VPS39: variants seen among roughly 807,000 people sequenced by gnomAD.
VPS39 encodes VPS39 subunit of HOPS complex, also known as vam6/Vps39-like protein.
In VPS39, 70 loss-of-function variants were observed where a neutral mutation model predicts 121.0. The ratio of observed to expected loss-of-function variants is 0.58; its 90% CI spans 0.48 to 0.71. The LOEUF is 0.71. Ranked by LOEUF, VPS39 falls within the 30% of genes least tolerant of loss-of-function variation. The pLI is 0.00. For missense variants in VPS39, 818 were observed against 1,051.5 expected, an observed-to-expected ratio of 0.78 and a Z score of 3.07; for synonymous variants, 378 against 398.1, an observed-to-expected ratio of 0.95 and a Z score of 0.60.
intron 19 of VPS39, 36 bp downstream of exon 19, chr15:42,164,322 G>A (rs774220406): frequency 1.2e-5 from 20 of 1,612,790 alleles, no homozygotes; most frequent in South Asian, 7.7e-5. Context: ...CATGACCTTC[G>A]CTGAAGTGGC....
At chr15:42,191,378 T>C (rs112476097) in intron 3 of VPS39, 118 bp downstream of exon 3, 1 of 1,152,884 alleles carries the variant, frequency 8.7e-7, no homozygotes, top group Non-Finnish European at 1.3e-6. Flanking sequence ...CACTCCTGCA[T>C]AAATAGAAGG....
Position 42,200,042 on chromosome 15 carries a change from A to AT in VPS39, c.74-82dup, listed in dbSNP as rs1413882974. On this transcript the variant is annotated intron_variant, in intron 1 of 24. Transcript: ENST00000318006. ...GGTCAATCAGCTTGAGTATAACCCT[A>AT]TTTTTTTAGCTGGGGCTTGTAATCA... The AT allele has an allele frequency of 4.6e-6, 6 of 1,318,026 alleles. No homozygotes were observed. In the South Asian group the frequency reaches 5.2e-5, roughly 12 times the overall value. 81.6% of individuals were successfully genotyped at this position (1,318,026 alleles called of 1,614,324 possible).
chr15:42,160,731 G>A lies in VPS39; in HGVS notation c.*23C>T, dbSNP rs369912531. 19 of 1,608,712 alleles carry A rather than the reference G, an allele frequency of 1.2e-5. No individual in the cohort carries two copies. Among genetic ancestry groups the A allele is most frequent in the South Asian group, 2.2e-5 (2 of 90,974 alleles). On this transcript the variant is annotated 3_prime_UTR_variant, in exon 25 of 25. Coordinates refer to ENST00000318006, the MANE Select transcript of VPS39 (RefSeq NM_015289.5). ...TCTGGGAGAGCCAAGCTGTCCATCC[G>A]CTGGATCCCCAGGATGCTGGGCTCA...
At chr15:42,189,423 T>C (rs1056479663) in intron 4 of VPS39, among the ~76,000 whole-genome samples, 4 of 152,074 alleles carry the variant, frequency 2.6e-5, no homozygotes, top group African/African-American at 9.7e-5. Flanking sequence ...ACTTGGATAT[T>C]TTCTTCCTTA....
Position 42,162,314 on chromosome 15 carries a change from C to T in VPS39, c.2325+18G>A. The T allele has an allele frequency of 1.2e-6, 2 of 1,603,368 alleles. No individual in the cohort carries two copies. Among genetic ancestry groups the T allele is most frequent in the South Asian group, 1.1e-5 (1 of 89,766 alleles). On this transcript the variant is annotated intron_variant, in intron 22 of 24. Coordinates refer to ENST00000318006, the MANE Select transcript of VPS39 (RefSeq NM_015289.5). ...CTCCCTGCAAACACCCTCCATCTCCCTAGGAACAACTCCTGACCTTGGTGG... is the reference window on the plus strand; with the variant it reads ...CTCCCTGCAAACACCCTCCATCTCCTTAGGAACAACTCCTGACCTTGGTGG...
chr15:42,165,960 C>T (rs943788239), intron 16 of VPS39, 144 bp from the exon 17 acceptor site: 16 of 921,050 alleles, frequency 1.7e-5, no homozygotes, highest in East Asian at 5.1e-5. Context: ...GCATGTCAGA[C>T]GAGGCACAGG....
intron 10 of VPS39, among the ~76,000 whole-genome samples, chr15:42,177,234 A>G (rs1288552771): frequency 1.3e-5 from 2 of 151,970 alleles, no homozygotes; most frequent in Non-Finnish European, 2.9e-5. Flanking sequence ...ATCTGGTTTA[A>G]CAACTAGGTT....
intron 19 of VPS39, 117 bp from the exon 20 acceptor site, chr15:42,163,845 AT>A: frequency 1.4e-6 from 1 of 694,482 alleles, no homozygotes. Flanking sequence ...TAGGATTCTT[AT>A]TGCTTGGGTT....
intron 8 of VPS39, among the ~76,000 whole-genome samples, chr15:42,181,237 G>A (rs2049574919): frequency 6.6e-6 from 1 of 151,822 alleles, no homozygotes; most frequent in Non-Finnish European, 1.5e-5. Context: ...CCTTTTTAAG[G>A]TTCAGCCTTA....
At chr15:42,181,898 G>C (rs1381150582) in intron 8 of VPS39, among the ~76,000 whole-genome samples, 1 of 152,138 alleles carries the variant, frequency 6.6e-6, no homozygotes, top group Non-Finnish European at 1.5e-5. Flanking sequence ...ATTTTTTGTA[G>C]AGACAGGGTC....
rs1274673437 is a variant in VPS39 at position 42,162,470 on chromosome 15, G to A, written c.2187C>T (p.Ser729=). Residue 729 remains serine, a synonymous_variant, in exon 22 of 25, where the codon TCC becomes TCT. Coordinates refer to ENST00000318006, the MANE Select transcript of VPS39 (RefSeq NM_015289.5). ...GGGGCGACAGGTACATCCGAAGCAG[G>A]GACAGATACACCTGTCTCAGAGAGA... The part of the protein sequence containing the change: ...NKDGNKDVYL[S]LLRMYLSPPS... 1.2e-6 allele frequency: 2 copies of A among 1,605,430 alleles called. No homozygotes were observed. The highest frequency in any genetic ancestry group is 2.2e-5 in the East Asian group (1 of 44,726).
At chr15:42,203,351 G>A (rs2050104892) in intron 1 of VPS39, among the ~76,000 whole-genome samples, 1 of 152,070 alleles carries the variant, frequency 6.6e-6, no homozygotes, top group Non-Finnish European at 1.5e-5. Flanking sequence ...GTGTGTGCCT[G>A]TAATCCCAGC....
intron 10 of VPS39, among the ~76,000 whole-genome samples, chr15:42,177,703 G>A (rs2049484443): frequency 6.7e-6 from 1 of 150,356 alleles, no homozygotes; most frequent in South Asian, 2.1e-4. Context: ...GTCTCGCTAT[G>A]TCACCCAAGC....
intron 10 of VPS39, among the ~76,000 whole-genome samples, chr15:42,175,281 G>A (rs1255929526): frequency 3.3e-5 from 5 of 151,782 alleles, no homozygotes; most frequent in African/African-American, 9.7e-5. Context: ...GGTGGCGCAC[G>A]CCTGTAGTCC....
chr15:42,165,155 C>A, intron 17 of VPS39, 42 bp from the exon 18 acceptor site: 1 of 1,584,250 alleles, frequency 6.3e-7, no homozygotes, highest in Non-Finnish European at 8.7e-7. Context: ...ATTCTCCAGG[C>A]TGTGACCTGG....
chr15:42,192,893 C>T (rs1401609879), intron 2 of VPS39, among the ~76,000 whole-genome samples: 1 of 152,032 alleles, frequency 6.6e-6, no homozygotes, highest in East Asian at 1.9e-4. Context: ...ATTCTCGTGC[C>T]CTCAGCCTCT....
At position 42,189,194 on chromosome 15, in the gene VPS39, C is replaced by T. The variant is rs752257473; in HGVS notation, c.262G>A (p.Val88Ile). 10 of 1,613,218 alleles carry T rather than the reference C, an allele frequency of 6.2e-6. No individual in the cohort carries two copies. The Admixed American group carries it at 1.7e-4, about 27-fold the overall frequency. The change falls in exon 5 of 25, where the codon GTC (valine) becomes ATC (isoleucine). Residue 88 changes from valine (V) to isoleucine (I), a missense_variant. Physicochemically the swap from Val to Ile is conservative, Grantham distance 29. Coordinates refer to ENST00000318006, the MANE Select transcript of VPS39 (RefSeq NM_015289.5). ...LVSLLENNIY[V>I]HDLLTFQQIT... ...TGTTGAAATGTCAATAGGTCATGGA[C>T]ATAAATGTTATTTTCTGTTTGGGAG...
At chr15:42,204,173 T>C (rs898179388) in intron 1 of VPS39, among the ~76,000 whole-genome samples, 6 of 152,206 alleles carry the variant, frequency 3.9e-5, no homozygotes, top group African/African-American at 1.4e-4. Context: ...ATAAGTAAGA[T>C]AGTAGTCACT....
In VPS39 at chr15:42,179,983, C is replaced by A. The variant is rs112214226; in HGVS notation, c.719-1413G>T. On this transcript the variant is annotated intron_variant, in intron 8 of 24. Transcript: ENST00000318006. ...TTCTGCCATGTGAGAATGCAGAGCT[C>A]ATCTTTCTCTTACCCTTCTCCTTCC... 3.6e-3 allele frequency among the ~76,000 whole-genome samples: 547 copies of A among 152,248 alleles called. 5 individuals are homozygous for A. The highest frequency in any genetic ancestry group is 0.012 in the African/African-American group (518 of 41,546).
Sources: allele counts gnomAD v4.1 joint callset (sites outside exome capture counted in the v4.1 genomes callset), GRCh38; gene constraint gnomAD v4.1.1; transcripts MANE v1.5; gene names NCBI Gene and HGNC (gene_info 2026-07-23, HGNC 2026-07-21).